The following GDF9 variants were observed in gnomAD, a reference collection of about 807,000 sequenced individuals.
GDF9 encodes growth/differentiation factor 9.
Under a neutral mutation model 33.8 loss-of-function variants are expected in GDF9, and 30 were observed. The ratio of observed to expected loss-of-function variants is 0.89; its 90% CI spans 0.66 to 1.20. The LOEUF is 1.20. Among genes scored for constraint, GDF9 ranks in the 50% most tolerant of loss-of-function variants. The pLI is 0.00. For synonymous variants in GDF9, 205 were observed against 200.7 expected (o/e 1.02, Z -0.18); for missense variants, 556 against 543.7 (o/e 1.02, Z -0.22).
In GDF9 at chr5:132,864,182, T is replaced by G; in HGVS notation, c.352A>C (p.Thr118Pro). 3 of 1,614,158 alleles carry G rather than the reference T, an allele frequency of 1.9e-6. No homozygotes were observed. The highest frequency in any genetic ancestry group is 2.5e-6 in the Non-Finnish European group (3 of 1,180,036). The change falls in exon 1 of 2, where the codon ACC becomes CCC. Residue 118 changes from threonine to proline, a missense_variant. By Grantham distance (38) the Thr-to-Pro change is conservative. Transcript: ENST00000687138. ...GCCTGCTTGTGCCGGGTACAGGGGG[T>G]GAAGAGCCGAACAGTGTTGTAGAGG... The part of the protein sequence containing the change: ...SHLYNTVRLF[T>P]PCTRHKQAPG...
At position 132,864,311 on chromosome 5, in the gene GDF9, C is replaced by A. The variant is rs568092622; in HGVS notation, c.223G>T (p.Gly75Trp). 1 of 1,614,214 alleles carries A rather than the reference C, an allele frequency of 6.2e-7. No homozygotes were observed. The highest frequency in any genetic ancestry group is 1.1e-5 in the South Asian group (1 of 91,088). The change falls in exon 1 of 2, where the codon GGG becomes TGG. Residue 75 changes from glycine (G) to tryptophan (W), a missense_variant. Gly to Trp is a radical substitution (Grantham distance 184). Transcript: ENST00000687138. The stretch of plus-strand genomic sequence containing the variant: ...GAGTCTGGCTGCAGCCTAGGTGACC[C>A]ACCTCGCCCAACAGATAGAACTTTG... ...LFKVLSVGRG[G>W]SPRLQPDSRA...
chr5:132,864,333 T>C lies in GDF9; in HGVS notation c.201A>G (p.Lys67=). Residue 67 remains lysine, a synonymous_variant, in exon 1 of 2, where the codon AAA becomes AAG. Transcript: ENST00000687138. ...ACCCACCTCGCCCAACAGATAGAACTTTGAAAAGCGCGGGAAGGAGGCCAG... is the reference window on the plus strand; with the variant it reads ...ACCCACCTCGCCCAACAGATAGAACCTTGAAAAGCGCGGGAAGGAGGCCAG... ...DRAGLLPALF[K]VLSVGRGGSP... 6.2e-7 allele frequency: 1 copy of C among 1,614,178 alleles called. No individual in the cohort carries two copies. Among genetic ancestry groups the C allele is most frequent in the Non-Finnish European group, 8.5e-7 (1 of 1,180,038 alleles).
rs1433223842 is a variant in GDF9 at position 132,864,844 on chromosome 5, A to C, written c.-311T>G. On this transcript the variant is annotated 5_prime_UTR_variant, in exon 1 of 2. Coordinates refer to ENST00000687138, the MANE Select transcript of GDF9 (RefSeq NM_005260.7). ...ACTACCGGACTAACTATGTAGCTGA[A>C]AGTCTAAGATAAATTGAGGAATGAT... is the stretch of plus-strand genomic sequence containing the variant. 1 of 338,708 alleles carries C rather than the reference A, an allele frequency of 3.0e-6. No homozygotes were observed. Among genetic ancestry groups the C allele is most frequent in the Non-Finnish European group, 5.4e-6 (1 of 185,760 alleles). 21.0% of individuals were successfully genotyped at this position (338,708 alleles called of 1,614,324 possible). A position where few individuals can be genotyped will look rare whatever the true frequency, so the allele number is the denominator to read the frequency against.
chr5:132,862,681 C>CAAA, intron 1 of GDF9, 125 bp from the exon 2 acceptor site: 5 of 552,878 alleles, frequency 9.0e-6, no homozygotes, highest in African/African-American at 2.0e-5. Context: ...TCTCAAGCCT[C>CAAA]AAAAAAAAAA....
chr5:132,861,985 A>G lies in GDF9; in HGVS notation c.969T>C (p.Thr323=), dbSNP rs972507067. The change falls in exon 2 of 2, where the codon ACT becomes ACC. Residue 323 remains threonine (T), a synonymous_variant. Transcript: ENST00000687138. ...SHHRHRRGQE[T]VSSELKKPLG... ...AGGGCTTCTTCAATTCAGAACTGAC[A>G]GTTTCCTGACCTCTGCGGTGACGGT... 1.5e-5 allele frequency: 25 copies of G among 1,614,012 alleles called. 1 individual carries two copies. The highest frequency in any genetic ancestry group is 2.0e-5 in the Non-Finnish European group (24 of 1,179,986).
Position 132,861,500 on chromosome 5 carries a change from T to C in GDF9, c.*89A>G. On this transcript the variant is annotated 3_prime_UTR_variant, in exon 2 of 2. Coordinates refer to ENST00000687138, the MANE Select transcript of GDF9 (RefSeq NM_005260.7). Reference sequence around the variant, plus strand: ...TATAACATATGCTACATTTAGAGACTTAATATATGAAGCTTTCTCTTGAAG... The same window carrying C: ...TATAACATATGCTACATTTAGAGACCTAATATATGAAGCTTTCTCTTGAAG... 9.1e-7 allele frequency: 1 copy of C among 1,100,514 alleles called. No homozygotes were observed. Among genetic ancestry groups the C allele is most frequent in the South Asian group, 1.3e-5 (1 of 79,930 alleles). 68.2% of individuals were successfully genotyped at this position (1,100,514 alleles called of 1,614,324 possible).
At position 132,864,215 on chromosome 5, in the gene GDF9, T is replaced by C; in HGVS notation, c.319A>G (p.Arg107Gly). Residue 107 changes from arginine to glycine, a missense_variant, in exon 1 of 2, where the codon AGA becomes GGA. Arg to Gly is a moderately radical substitution (Grantham distance 125). Transcript: ENST00000687138. ...CGAACAGTGTTGTAGAGGTGACTTC[T>C]ATTGGATTTAGGAATCCCTTCCTTG... ...ATKEGIPKSN[R>G]SHLYNTVRLF... 2 of 1,614,214 alleles carry C rather than the reference T, an allele frequency of 1.2e-6. No individual in the cohort carries two copies. Among genetic ancestry groups the C allele is most frequent in the South Asian group, 1.1e-5 (1 of 91,090 alleles).
chr5:132,863,752 C>T (rs1759416565), intron 1 of GDF9, among the ~76,000 whole-genome samples: 1 of 152,158 alleles, frequency 6.6e-6, no homozygotes, highest in Non-Finnish European at 1.5e-5. Flanking sequence ...TTTTCTCTCA[C>T]AGAAAGTAAC....
In GDF9 at chr5:132,864,518, T is replaced by C. The variant is rs761041064; in HGVS notation, c.16A>G (p.Lys6Glu). Residue 6 changes from lysine (K) to glutamate (E), a missense_variant, in exon 1 of 2, where the codon AAA becomes GAA. Coordinates refer to ENST00000687138, the MANE Select transcript of GDF9 (RefSeq NM_005260.7). Reference protein sequence around the residue: MARPNKFLLWFCCFAW... With the variant: MARPNEFLLWFCCFAW... Reference sequence around the variant, plus strand: ...AAGCAGCAAAACCAAAGGAGGAATTTGTTGGGACGTGCCATGGCTTGGGAG... The same window carrying C: ...AAGCAGCAAAACCAAAGGAGGAATTCGTTGGGACGTGCCATGGCTTGGGAG... 7 of 1,608,080 alleles carry C rather than the reference T, an allele frequency of 4.4e-6. No homozygotes were observed. Among genetic ancestry groups the C allele is most frequent in the Non-Finnish European group, 5.9e-6 (7 of 1,179,990 alleles).
chr5:132,863,766 CAA>C (rs1343983217), intron 1 of GDF9, among the ~76,000 whole-genome samples: 3 of 152,122 alleles, frequency 2.0e-5, no homozygotes, highest in South Asian at 2.1e-4. Flanking sequence ...AAGTAACAAA[CAA>C]GAGAAAAATA....
At position 132,861,386 on chromosome 5, in the gene GDF9, TA is replaced by T. The variant is rs1229080185; in HGVS notation, c.*202del. On this transcript the variant is annotated 3_prime_UTR_variant, in exon 2 of 2. Coordinates refer to ENST00000687138, the MANE Select transcript of GDF9 (RefSeq NM_005260.7). ...ATTATATTTCATTTAAATTTGGAAA[TA>T]AAAAAAGGCTCTGTAGCAACAATTG... 7 of 555,244 alleles carry T rather than the reference TA, an allele frequency of 1.3e-5. No individual in the cohort carries two copies. Among genetic ancestry groups the T allele is most frequent in the African/African-American group, 5.7e-5 (3 of 53,000 alleles). The allele number at this position is 555,244 out of a possible 1,614,324, so 34.4% of individuals were successfully genotyped here.
Position 132,864,237 on chromosome 5 carries a change from C to T in GDF9, c.297G>A (p.Lys99=). 6.2e-7 allele frequency: 1 copy of T among 1,614,188 alleles called. No homozygotes were observed. The highest frequency in any genetic ancestry group is 2.2e-5 in the East Asian group (1 of 44,888). The change falls in exon 1 of 2, where the codon AAG becomes AAA. Residue 99 remains lysine (K), a synonymous_variant. Transcript: ENST00000687138. ...TTCTATTGGATTTAGGAATCCCTTC[C>T]TTGGTAGCATATGTCTTATAGAGCT... The part of the protein sequence containing the change: ...MKKLYKTYAT[K]EGIPKSNRSH...
In GDF9 at chr5:132,864,613, C is replaced by G. The variant is rs1333661967; in HGVS notation, c.-80G>C. 7 of 1,471,720 alleles carry G rather than the reference C, an allele frequency of 4.8e-6. No homozygotes were observed. The highest frequency in any genetic ancestry group is 1.9e-6 in the Non-Finnish European group (2 of 1,067,808). 91.2% of individuals were successfully genotyped at this position (1,471,720 alleles called of 1,614,324 possible). A position where few individuals can be genotyped will look rare whatever the true frequency, so the allele number is the denominator to read the frequency against. On this transcript the variant is annotated 5_prime_UTR_variant, in exon 1 of 2. Coordinates refer to ENST00000687138, the MANE Select transcript of GDF9 (RefSeq NM_005260.7). The stretch of plus-strand genomic sequence containing the variant: ...GGCCAGGAAGAGCCTAGCTTGGTCT[C>G]TTAAATAAATTTCAGGTGTGTGGGT...
Position 132,862,572 on chromosome 5 carries a change from A to C in GDF9, c.398-16T>G. 6.3e-7 allele frequency: 1 copy of C among 1,595,978 alleles called. No homozygotes were observed. Among genetic ancestry groups the C allele is most frequent in the Non-Finnish European group, 8.5e-7 (1 of 1,174,272 alleles). Reference sequence around the variant, plus strand: ...GGAAGGATTCCTAAGAAGAAAAAAAATCTACCAGTAGTGCTTGAAAATCAG... The same window carrying C: ...GGAAGGATTCCTAAGAAGAAAAAAACTCTACCAGTAGTGCTTGAAAATCAG... On this transcript the variant is annotated splice_polypyrimidine_tract_variant and intron_variant, in intron 1 of 1. Transcript: ENST00000687138.
rs760289357 is a variant in GDF9 at position 132,864,119 on chromosome 5, C to T, written c.397+18G>A. The T allele has an allele frequency of 1.2e-6, 2 of 1,613,662 alleles. No individual in the cohort carries two copies. Among genetic ancestry groups the T allele is most frequent in the East Asian group, 4.5e-5 (2 of 44,892 alleles). ...ATCATCTTCCCTCCACCCAGTTAAC[C>T]AATCTGCTTTCACATACCTGTTACC... On this transcript the variant is annotated intron_variant, in intron 1 of 1. Coordinates refer to ENST00000687138, the MANE Select transcript of GDF9 (RefSeq NM_005260.7).
Position 132,862,360 on chromosome 5 carries a change from G to A in GDF9, c.594C>T (p.Thr198=), listed in dbSNP as rs1215063530. ...TTCCAAATTCAAACTGTGAGTTAAA[G>A]GTAAATGAGTATGGAGCTCTGCCGA... ...RTLGRAPYSF[T]FNSQFEFGKK... The change falls in exon 2 of 2, where the codon ACC becomes ACT. Residue 198 remains threonine (T), a synonymous_variant. Transcript: ENST00000687138. The A allele has an allele frequency of 1.9e-6, 3 of 1,613,872 alleles. No individual in the cohort carries two copies. The highest frequency in any genetic ancestry group is 2.5e-6 in the Non-Finnish European group (3 of 1,179,852).
At position 132,861,601 on chromosome 5, in the gene GDF9, GC is replaced by G. The variant is rs1561462124; in HGVS notation, c.1352del (p.Cys451SerfsTer10). ...KEYEDMIATKCTCR is the reference protein window; with the variant it reads ...KEYEDMIATKXTCR ...AGAGGACCATTTGTTAACGACAGGTGCACTTTGTAGCTATCATATCTTCGTA... is the reference window on the plus strand; with the variant it reads ...AGAGGACCATTTGTTAACGACAGGTGACTTTGTAGCTATCATATCTTCGTA... On this transcript the variant is annotated frameshift_variant, in exon 2 of 2. Coordinates refer to ENST00000687138, the MANE Select transcript of GDF9 (RefSeq NM_005260.7). LOFTEE classifies it high-confidence loss of function. The G allele has an allele frequency of 6.2e-7, 1 of 1,613,346 alleles. No homozygotes were observed. The highest frequency in any genetic ancestry group is 8.5e-7 in the Non-Finnish European group (1 of 1,179,366).
At position 132,861,671 on chromosome 5, in the gene GDF9, C is replaced by G. The variant is rs118080183; in HGVS notation, c.1283G>C (p.Ser428Thr). 1.1e-4 allele frequency: 182 copies of G among 1,610,612 alleles called. No individual in the cohort carries two copies. The East Asian group carries it at 3.8e-3, about 33-fold the overall frequency. Residue 428 changes from serine to threonine, a missense_variant, in exon 2 of 2, where the codon AGT becomes ACT. Ser to Thr is a moderately conservative substitution (Grantham distance 58). Coordinates refer to ENST00000687138, the MANE Select transcript of GDF9 (RefSeq NM_005260.7). ...SCVPAKYSPL[S>T]VLTIEPDGSI... ...GCCATCGGGCTCAATGGTCAAAACA[C>G]TCAAGGGGCTGTATTTGGCAGGTAC...
chr5:132,864,761 G>C lies in GDF9; in HGVS notation c.-228C>G, dbSNP rs1759499709. On this transcript the variant is annotated 5_prime_UTR_variant, in exon 1 of 2. Transcript: ENST00000687138. Reference sequence around the variant, plus strand: ...TTGTTAATTAGATACAGATTTACTTGGTTATTTAGCTTTCCTCTCTTTTCC... The same window carrying C: ...TTGTTAATTAGATACAGATTTACTTCGTTATTTAGCTTTCCTCTCTTTTCC... 1 of 550,384 alleles carries C rather than the reference G, an allele frequency of 1.8e-6. No homozygotes were observed. The highest frequency in any genetic ancestry group is 3.5e-5 in the Admixed American group (1 of 28,946). The allele number at this position is 550,384 out of a possible 1,614,324, so 34.1% of individuals were successfully genotyped here.
Sources: allele counts gnomAD v4.1 joint callset (sites outside exome capture counted in the v4.1 genomes callset), GRCh38; gene constraint gnomAD v4.1.1; transcripts MANE v1.5; gene names NCBI Gene and HGNC (gene_info 2026-07-23, HGNC 2026-07-21).